Variants in CDK10 observed in about 807,000 individuals in gnomAD.
CDK10 encodes the protein cyclin-dependent kinase 10.
CDK10 carries 55 observed loss-of-function variants against 51.0 expected under a neutral mutation model. The observed-to-expected ratio is 1.08, with a 90% CI of 0.87 to 1.35. The LOEUF is 1.35. Ranked by LOEUF, CDK10 falls within the 40% of genes most tolerant of loss-of-function variation. The probability of loss-of-function intolerance (pLI) is 0.00; values close to 1 mark genes in which losing one functional copy is unlikely to be tolerated. For synonymous variants in CDK10, 255 were observed against 199.1 expected (o/e 1.28, Z -2.36); for missense variants, 589 against 485.1 (o/e 1.21, Z -2.01).
rs2060453034 is a variant in CDK10, at chr16:89,691,604, G to A, written c.335+59G>A. On this transcript the variant is annotated intron_variant, in intron 4 of 12. Transcript: ENST00000353379. ...AGGGAGCATGTGTCTTGGGCTAGAG[G>A]TGTTGCACAGAGCGAGGACTGAGTG... The A allele has an allele frequency of 4.2e-6, 6 of 1,444,924 alleles. No homozygotes were observed. The South Asian group carries it at 7.1e-5, about 17-fold the overall frequency. 89.5% of individuals were successfully genotyped at this position (1,444,924 alleles called of 1,614,324 possible). A position where few individuals can be genotyped will look rare whatever the true frequency, so the allele number is the denominator to read the frequency against.
At chr16:89,690,368 C>A in intron 2 of CDK10, 185 bp from the exon 3 acceptor site, 5 of 609,358 alleles carry the variant, frequency 8.2e-6, no homozygotes, top group South Asian at 1.9e-5. Context: ...AATGAGGAAA[C>A]CCTCCGGGGG....
rs1377122265 is a variant in CDK10, at chr16:89,695,777, C to G, written c.*85C>G. Reference sequence around the variant, plus strand: ...GAAGGGTGCCGCGAGCCAGGCTGACCAGGCGCCCGGGATCCAGCTCATCCC... The same window carrying G: ...GAAGGGTGCCGCGAGCCAGGCTGACGAGGCGCCCGGGATCCAGCTCATCCC... On this transcript the variant is annotated 3_prime_UTR_variant, in exon 13 of 13. Transcript: ENST00000353379. 2.5e-6 allele frequency: 4 copies of G among 1,580,700 alleles called. No individual in the cohort carries two copies. Among genetic ancestry groups the G allele is most frequent in the Admixed American group, 3.6e-5 (2 of 56,160 alleles).
intron 8 of CDK10, 89 bp from the exon 9 acceptor site, chr16:89,694,084 C>G (rs465507): frequency 0.34 from 462,541 of 1,366,664 alleles, 87,822 homozygotes; most frequent in Middle Eastern, 0.49. Context: ...TTCCAGGCCA[C>G]CACAGGCTCT....
At position 89,695,603 on chromosome 16, in the gene CDK10, C is replaced by G; in HGVS notation, c.994C>G (p.Pro332Ala). Residue 332 changes from proline (P) to alanine (A), a missense_variant, in exon 13 of 13, where the codon CCG becomes GCG. By Grantham distance (27) the Pro-to-Ala change is conservative. Coordinates refer to ENST00000353379, the MANE Select transcript of CDK10 (RefSeq NM_052988.5). ...YFKEKPLPCE[P>A]ELMPTFPHHR... Reference sequence around the variant, plus strand: ...AACCCTTCTCCCTGCAGCCTGTGAGCCGGAGCTCATGCCGACCTTTCCCCA... The same window carrying G: ...AACCCTTCTCCCTGCAGCCTGTGAGGCGGAGCTCATGCCGACCTTTCCCCA... 1.2e-6 allele frequency: 2 copies of G among 1,603,940 alleles called. No individual in the cohort carries two copies. Among genetic ancestry groups the G allele is most frequent in the Non-Finnish European group, 1.7e-6 (2 of 1,176,846 alleles).
chr16:89,689,655 CTG>C, intron 2 of CDK10: 1 of 276,904 alleles, frequency 3.6e-6, no homozygotes, highest in Non-Finnish European at 7.0e-6. Context: ...CTCAGCAACT[CTG>C]GAGGAGTCAC....
Position 89,694,186 on chromosome 16 carries a change from G to C in CDK10, c.622G>C (p.Glu208Gln), listed in dbSNP as rs1471841699. The C allele has an allele frequency of 6.2e-7, 1 of 1,614,100 alleles. No individual in the cohort carries two copies. The highest frequency in any genetic ancestry group is 8.5e-7 in the Non-Finnish European group (1 of 1,180,014). The change falls in exon 9 of 13, where the codon GAA becomes CAA. Residue 208 changes from glutamate (E) to glutamine (Q), a missense_variant. Glu to Gln is a conservative substitution (Grantham distance 29). Transcript: ENST00000353379. ...KVVTLWYRAP[E>Q]LLLGTTTQTT... is the part of the protein sequence containing the mutation. ...TTCTGTGTGTAGGTACCGAGCCCCT[G>C]AACTGCTGTTGGGAACCACCACGCA... is the stretch of plus-strand genomic sequence containing the variant.
In CDK10 at chr16:89,695,057, G is replaced by C; in HGVS notation, c.919G>C (p.Asp307His). The C allele has an allele frequency of 6.2e-7, 1 of 1,612,874 alleles. No homozygotes were observed. Among genetic ancestry groups the C allele is most frequent in the Non-Finnish European group, 8.5e-7 (1 of 1,179,934 alleles). ...LRLLHFLFMY[D>H]PKKRATAGDC... Reference sequence around the variant, plus strand: ...CCTGCTGCACTTCCTGTTCATGTACGACCCTAAGAAAAGGTGCTGATCTCT... The same window carrying C: ...CCTGCTGCACTTCCTGTTCATGTACCACCCTAAGAAAAGGTGCTGATCTCT... The change falls in exon 11 of 13, where the codon GAC becomes CAC. Residue 307 changes from aspartate (D) to histidine (H), a missense_variant. By Grantham distance (81) the Asp-to-His change is moderately conservative. Transcript: ENST00000353379.
chr16:89,695,305 G>C lies in CDK10; in HGVS notation c.945G>C (p.Gly315=). The change falls in exon 12 of 13, where the codon GGG becomes GGC. Residue 315 remains glycine (G), a synonymous_variant. Transcript: ENST00000353379. ...MYDPKKRATA[G]DCLESSYFKE... is the part of the protein sequence containing the mutation. The stretch of plus-strand genomic sequence containing the variant: ...CTGCCTCCTCCAGGGCGACGGCCGG[G>C]GACTGCCTGGAGAGCTCCTATTTCA... The C allele has an allele frequency of 1.2e-6, 2 of 1,611,556 alleles. No individual in the cohort carries two copies. The highest frequency in any genetic ancestry group is 1.7e-6 in the Non-Finnish European group (2 of 1,178,566).
Position 89,691,790 on chromosome 16 carries a change from C to T in CDK10, c.336-16C>T, listed in dbSNP as rs1375887595. 5.6e-6 allele frequency: 9 copies of T among 1,612,662 alleles called. No individual in the cohort carries two copies. The East Asian group carries it at 1.3e-4, about 24-fold the overall frequency. On this transcript the variant is annotated splice_polypyrimidine_tract_variant and intron_variant, in intron 4 of 12. Transcript: ENST00000353379. ...GAGAAGGCCGGAGAGTGGCATGCATCTTCTGTTTCTTCCAGCATCTTCCTG... is the reference window on the plus strand; with the variant it reads ...GAGAAGGCCGGAGAGTGGCATGCATTTTCTGTTTCTTCCAGCATCTTCCTG...
chr16:89,694,442 G>A, intron 9 of CDK10: 1 of 873,990 alleles, frequency 1.1e-6, no homozygotes, highest in Non-Finnish European at 1.8e-6. Context: ...GGAGCACAGA[G>A]GTCTGGAGGA....
chr16:89,691,548 A>G lies in CDK10; in HGVS notation c.335+3A>G. 1 of 1,609,618 alleles carries G rather than the reference A, an allele frequency of 6.2e-7. No individual in the cohort carries two copies. Among genetic ancestry groups the G allele is most frequent in the Non-Finnish European group, 8.5e-7 (1 of 1,176,200 alleles). ...GTTGTGGGGAACCACCTGGAGAGGT[A>G]CGTGGTCTCCTGGTCTGCACATTGG... On this transcript the variant is annotated splice_donor_region_variant and intron_variant, in intron 4 of 12. Coordinates refer to ENST00000353379, the MANE Select transcript of CDK10 (RefSeq NM_052988.5).
intron 10 of CDK10, 71 bp from the exon 11 acceptor site, chr16:89,694,860 C>A (rs2060633984): frequency 6.5e-7 from 1 of 1,534,844 alleles, no homozygotes; most frequent in African/African-American, 1.4e-5. Flanking sequence ...CCCGCCCGTG[C>A]CCACGCCCTC....
At chr16:89,689,059 C>A (rs1199518894) in intron 1 of CDK10, among the ~76,000 whole-genome samples, 193 bp from the exon 2 acceptor site, 3 of 150,914 alleles carry the variant, frequency 2.0e-5, no homozygotes, top group African/African-American at 7.5e-5. Context: ...ATGTTCTTGC[C>A]ACTGCACTCC....
chr16:89,689,101 A>G, intron 1 of CDK10, 151 bp from the exon 2 acceptor site: 1 of 678,262 alleles, frequency 1.5e-6, no homozygotes, highest in Non-Finnish European at 2.6e-6. Context: ...CTCAGTCTCA[A>G]AAAAAGAAAA....
chr16:89,688,076 G>A (rs2060277562), intron 1 of CDK10, among the ~76,000 whole-genome samples: 1 of 125,668 alleles, frequency 8.0e-6, no homozygotes, highest in Admixed American at 8.8e-5. Flanking sequence ...TGCTACGTGT[G>A]CTTTTTTTTT....
At chr16:89,689,057 G>A (rs1488457693) in intron 1 of CDK10, among the ~76,000 whole-genome samples, 195 bp from the exon 2 acceptor site, 1 of 150,940 alleles carries the variant, frequency 6.6e-6, no homozygotes, top group Non-Finnish European at 1.5e-5. Flanking sequence ...CCATGTTCTT[G>A]CCACTGCACT....
intron 3 of CDK10, among the ~76,000 whole-genome samples, chr16:89,691,115 A>T (rs1482647348): frequency 1.3e-5 from 2 of 152,106 alleles, no homozygotes; most frequent in African/African-American, 4.8e-5. Context: ...GAGAAACCCC[A>T]TCTCTACTAA....
chr16:89,692,283 C>T (rs1015241486), intron 5 of CDK10, 166 bp from the exon 6 acceptor site: 1 of 521,348 alleles, frequency 1.9e-6, no homozygotes, highest in African/African-American at 2.1e-5. Context: ...GCACTGGTTT[C>T]CTGGGCTGCT....
chr16:89,691,701 G>C, intron 4 of CDK10, 105 bp from the exon 5 acceptor site: 2 of 1,296,406 alleles, frequency 1.5e-6, no homozygotes, highest in Non-Finnish European at 2.2e-6. Context: ...TGTCTGAGGG[G>C]GACACAGGTT....
Sources: gnomAD v4.1 joint callset for allele counts (sites outside exome capture counted in the v4.1 genomes callset) on GRCh38, gnomAD v4.1.1 for gene constraint, MANE v1.5 for transcripts, NCBI Gene and HGNC (gene_info 2026-07-23, HGNC 2026-07-21) for gene names.